The following COG5 variants were observed in gnomAD, a reference collection of about 807,000 sequenced individuals.
The protein encoded by COG5 is component of oligomeric golgi complex 5.
A neutral mutation model predicts 110.4 loss-of-function variants in COG5; 86 were observed. The observed-to-expected ratio is 0.78, with a 90% confidence interval of 0.65 to 0.93. The LOEUF (loss-of-function observed/expected upper bound fraction) is 0.93. COG5 is among the 40% of genes least tolerant of loss of function. COG5 has a pLI of 0.00. For missense variants in COG5, 1,077 were observed against 987.0 expected (o/e 1.09, Z -1.22); for synonymous variants, 360 against 334.6 (o/e 1.08, Z -0.83).
chr7:107,301,978 T>G (rs1306294503), intron 11 of COG5, among the ~76,000 whole-genome samples: 2 of 152,216 alleles, frequency 1.3e-5, no homozygotes, highest in Non-Finnish European at 2.9e-5. Flanking sequence ...AATTTAGCAT[T>G]TCATTAAAAT....
chr7:107,543,556 A>G (rs1179350351), intron 5 of COG5, among the ~76,000 whole-genome samples: 3 of 152,062 alleles, frequency 2.0e-5, no homozygotes, highest in Non-Finnish European at 4.4e-5. Context: ...CTCCAGGCCC[A>G]ACCCAGCACC....
chr7:107,235,349 T>A (rs1801100322), intron 18 of COG5, among the ~76,000 whole-genome samples: 1 of 152,252 alleles, frequency 6.6e-6, no homozygotes, highest in Non-Finnish European at 1.5e-5. Flanking sequence ...CAAATTGCTA[T>A]GAAGAATTCA....
intron 14 of COG5, among the ~76,000 whole-genome samples, chr7:107,259,134 C>T (rs899929766): frequency 2.0e-5 from 3 of 150,354 alleles, no homozygotes; most frequent in African/African-American, 7.4e-5. Context: ...TGTCATGGTT[C>T]AAATTTAAGA....
intron 21 of COG5, chr7:107,208,563 C>T (rs1325934267): frequency 1.0e-6 from 1 of 985,310 alleles, no homozygotes; most frequent in Non-Finnish European, 1.2e-6. Flanking sequence ...AAATAATCCA[C>T]ACAGACATTG....
At chr7:107,261,481 C>T (rs11764050) in intron 14 of COG5, among the ~76,000 whole-genome samples, 145,232 of 152,278 alleles carry the variant, frequency 0.95, 69,285 homozygotes, top group East Asian at 1. Flanking sequence ...AGATTTACAT[C>T]GATGAAATAT....
chr7:107,249,739 TATAC>T (rs1052898142), intron 16 of COG5, among the ~76,000 whole-genome samples: 3 of 148,610 alleles, frequency 2.0e-5, no homozygotes, highest in Admixed American at 6.7e-5. Flanking sequence ...TGTGTGTGTG[TATAC>T]ATATAGTTTG....
chr7:107,311,192 C>T lies in COG5; in HGVS notation c.1109-12846G>A, dbSNP rs148611497. Among the ~76,000 whole-genome samples, 1,073 of 152,136 alleles carry T rather than the reference C, an allele frequency of 7.1e-3. 19 individuals are homozygous for T. The highest frequency in any genetic ancestry group is 0.039 in the East Asian group (204 of 5,166). The stretch of plus-strand genomic sequence containing the variant: ...TAATTTTGTTGAGAACTCACAAATG[C>T]CCCTCCATAAGGTTTGTATGCTAAT... On this transcript the variant is annotated intron_variant, in intron 11 of 21. Coordinates refer to ENST00000297135, the MANE Select transcript of COG5 (RefSeq NM_006348.5).
chr7:107,465,463 T>C (rs182930521), intron 6 of COG5, among the ~76,000 whole-genome samples: 23 of 152,298 alleles, frequency 1.5e-4, no homozygotes, highest in Admixed American at 2.0e-4. Context: ...GCCCTAAAAA[T>C]AGTAGAGATA....
intron 7 of COG5, among the ~76,000 whole-genome samples, chr7:107,376,989 A>G (rs1814692217): frequency 6.6e-6 from 1 of 152,038 alleles, no homozygotes; most frequent in Non-Finnish European, 1.5e-5. Flanking sequence ...TTTGCTTATT[A>G]TTTTTGTACA....
chr7:107,421,762 T>C (rs1793310738), intron 6 of COG5, among the ~76,000 whole-genome samples: 1 of 138,772 alleles, frequency 7.2e-6, no homozygotes, highest in South Asian at 2.2e-4. Context: ...GGAGACTCCG[T>C]CTCAAAAAAA....
intron 6 of COG5, among the ~76,000 whole-genome samples, chr7:107,500,943 ACAG>A (rs982551220): frequency 7.2e-5 from 11 of 152,140 alleles, no homozygotes; most frequent in Non-Finnish European, 1.2e-4. Context: ...AACCATTCTA[ACAG>A]CCTTTAGCAA....
chr7:107,485,696 C>A (rs190916675), intron 6 of COG5, among the ~76,000 whole-genome samples: 112 of 152,154 alleles, frequency 7.4e-4, no homozygotes, highest in African/African-American at 2.6e-3. Flanking sequence ...TTTAAAGGGT[C>A]CATTATGATA....
chr7:107,360,720 C>T (rs1813037754), intron 10 of COG5, among the ~76,000 whole-genome samples: 2 of 152,214 alleles, frequency 1.3e-5, no homozygotes, highest in Non-Finnish European at 2.9e-5. Flanking sequence ...CCTGGAGCTG[C>T]CTGCCCTGCC....
chr7:107,488,513 G>GA (rs1288935826), intron 6 of COG5, among the ~76,000 whole-genome samples: 1 of 152,064 alleles, frequency 6.6e-6, no homozygotes, highest in Non-Finnish European at 1.5e-5. Context: ...TGAAAAAGAT[G>GA]AAAACATATA....
At chr7:107,532,131 A>C (rs961216005) in intron 5 of COG5, among the ~76,000 whole-genome samples, 11 of 152,186 alleles carry the variant, frequency 7.2e-5, no homozygotes, top group African/African-American at 2.7e-4. Context: ...ACCTTGGCTT[A>C]CTGCAACCTC....
chr7:107,517,758 C>T (rs1001122514), intron 6 of COG5, among the ~76,000 whole-genome samples: 10 of 151,042 alleles, frequency 6.6e-5, no homozygotes, highest in African/African-American at 9.7e-5. Context: ...AGTGCAGTGG[C>T]GCAATCTCGG....
At chr7:107,422,716 C>T (rs1276632312) in intron 6 of COG5, among the ~76,000 whole-genome samples, 1 of 148,708 alleles carries the variant, frequency 6.7e-6, no homozygotes, top group African/African-American at 2.5e-5. Context: ...CAAGCCATGA[C>T]TCTGTGTGTG....
At chr7:107,263,704 C>G (rs1803565259) in intron 14 of COG5, among the ~76,000 whole-genome samples, 1 of 152,100 alleles carries the variant, frequency 6.6e-6, no homozygotes, top group South Asian at 2.1e-4. Context: ...ATTATCTGAA[C>G]AAAATATTCT....
At chr7:107,413,750 C>T (rs766074001) in intron 6 of COG5, among the ~76,000 whole-genome samples, 12 of 152,216 alleles carry the variant, frequency 7.9e-5, no homozygotes, top group South Asian at 2.1e-4. Context: ...GATGATGATT[C>T]CAATAACAAT....
Sources: allele counts gnomAD v4.1 joint callset (sites outside exome capture counted in the v4.1 genomes callset), GRCh38; gene constraint gnomAD v4.1.1; transcripts MANE v1.5; gene names NCBI Gene and HGNC (gene_info 2026-07-23, HGNC 2026-07-21).